The following PLXNA4 variants were observed in gnomAD, a reference collection of about 807,000 sequenced individuals.
The protein encoded by PLXNA4 is plexin A4.
A neutral mutation model predicts 191.8 loss-of-function variants in PLXNA4; 44 were observed. The ratio of observed to expected loss-of-function variants is 0.23; its 90% confidence interval spans 0.18 to 0.29. The LOEUF is 0.29. PLXNA4 is among the 10% of genes least tolerant of loss of function. The probability of loss-of-function intolerance (pLI) is 1.00; values close to 1 mark genes in which losing one functional copy is unlikely to be tolerated. For synonymous variants in PLXNA4, 1,082 were observed against 1,009.5 expected, an observed-to-expected ratio of 1.07 and a Z score of -1.36; for missense variants, 1,800 against 2,488.8, an observed-to-expected ratio of 0.72 and a Z score of 5.89.
chr7:132,400,664 A>T (rs903195128), intron 3 of PLXNA4, among the ~76,000 whole-genome samples: 1 of 152,150 alleles, frequency 6.6e-6, no homozygotes, highest in African/African-American at 2.4e-5. Flanking sequence ...TACCATCCGT[A>T]TGCATACCAC....
At chr7:132,204,249 G>A (rs1006945223) in intron 10 of PLXNA4, among the ~76,000 whole-genome samples, 12 of 152,216 alleles carry the variant, frequency 7.9e-5, no homozygotes, top group Non-Finnish European at 1.8e-4. Flanking sequence ...GAAGATGATG[G>A]TGGAGGGGGC....
intron 1 of PLXNA4, among the ~76,000 whole-genome samples, chr7:132,556,225 A>T (rs1800794952): frequency 6.6e-6 from 1 of 152,068 alleles, no homozygotes; most frequent in Non-Finnish European, 1.5e-5. Flanking sequence ...TTTTTACCAC[A>T]CCCTGGGGCC....
chr7:132,642,727 C>T (rs1330786191), intron 2 of PLXNA4, among the ~76,000 whole-genome samples: 1 of 152,122 alleles, frequency 6.6e-6, no homozygotes, highest in African/African-American at 2.4e-5. Flanking sequence ...CAAACAATCT[C>T]AACGTTTCAT....
chr7:132,172,758 T>TA (rs1554378604), intron 21 of PLXNA4, among the ~76,000 whole-genome samples: 1 of 148,948 alleles, frequency 6.7e-6, no homozygotes, highest in Non-Finnish European at 1.5e-5. Context: ...AAACTTAAAG[T>TA]ATAATAATAA....
intron 2 of PLXNA4, among the ~76,000 whole-genome samples, chr7:132,607,575 C>T (rs114310712): frequency 6.6e-5 from 10 of 152,154 alleles, no homozygotes; most frequent in Non-Finnish European, 1.5e-4. Context: ...TAATGGGGCC[C>T]CTTATGAGGG....
chr7:132,552,646 G>T (rs562969000), intron 1 of PLXNA4, among the ~76,000 whole-genome samples: 1 of 152,192 alleles, frequency 6.6e-6, no homozygotes, highest in Non-Finnish European at 1.5e-5. Flanking sequence ...CTGATTACCC[G>T]AGCCGCTGCT....
chr7:132,474,621 TAC>T (rs201235696), intron 3 of PLXNA4, among the ~76,000 whole-genome samples: 153 of 146,544 alleles, frequency 1.0e-3, no homozygotes, highest in Admixed American at 3.6e-3. Context: ...TGAGCACATG[TAC>T]ACACACACAC....
intron 3 of PLXNA4, among the ~76,000 whole-genome samples, chr7:132,447,728 T>C (rs1172929492): frequency 1.3e-5 from 2 of 152,130 alleles, no homozygotes; most frequent in African/African-American, 4.8e-5. Context: ...TGGCTCATGC[T>C]TGTAATGCCA....
At chr7:132,512,263 C>G (rs1798748823) in intron 1 of PLXNA4, among the ~76,000 whole-genome samples, 1 of 152,214 alleles carries the variant, frequency 6.6e-6, no homozygotes, top group South Asian at 2.1e-4. Flanking sequence ...GTGCCTACCC[C>G]ACGACCTGCC....
rs1007041258 is a variant in PLXNA4 at position 132,576,278 on chromosome 7, T to G, written c.-87+144A>C. Reference sequence around the variant, plus strand: ...AGCGCCGTGTGTGCCGGTGTGGATCTGTGTGTGTGCCTGCGTGTGTGCGTG... The same window carrying G: ...AGCGCCGTGTGTGCCGGTGTGGATCGGTGTGTGTGCCTGCGTGTGTGCGTG... On this transcript the variant is annotated intron_variant, in intron 1 of 31. Transcript: ENST00000321063. This position sits in a 1 kb window ranked among gnomAD's most constrained non-coding sequence, Gnocchi z 5.8. The G allele has an allele frequency of 1.8e-6, 1 of 555,442 alleles. No individual in the cohort carries two copies. 34.4% of individuals were successfully genotyped at this position (555,442 alleles called of 1,614,324 possible). A position where few individuals can be genotyped will look rare whatever the true frequency, so the allele number is the denominator to read the frequency against.
chr7:132,362,276 A>G (rs748946510), intron 3 of PLXNA4, among the ~76,000 whole-genome samples: 3 of 152,256 alleles, frequency 2.0e-5, no homozygotes, highest in Non-Finnish European at 4.4e-5. Flanking sequence ...TTGATGTGGT[A>G]GAGCTGCTAC....
chr7:132,291,927 TG>T (rs1383875545), intron 4 of PLXNA4, among the ~76,000 whole-genome samples: 4 of 152,190 alleles, frequency 2.6e-5, no homozygotes, highest in Non-Finnish European at 5.9e-5. Flanking sequence ...CCCGAGTGGT[TG>T]GGATTACAGG....
chr7:132,572,019 C>A (rs1802002989), intron 1 of PLXNA4, among the ~76,000 whole-genome samples: 1 of 152,240 alleles, frequency 6.6e-6, no homozygotes, highest in South Asian at 2.1e-4. Context: ...AATACATTTG[C>A]CTGGCATCAC....
chr7:132,579,425 T>TTGTG (rs896244746), upstream of PLXNA4, among the ~76,000 whole-genome samples: 1 of 151,012 alleles, frequency 6.6e-6, no homozygotes, highest in South Asian at 2.1e-4. Flanking sequence ...TCGGTTGTAT[T>TTGTG]TGTGTGTGTG....
chr7:132,553,533 A>C (rs994597634), intron 1 of PLXNA4, among the ~76,000 whole-genome samples: 7 of 152,142 alleles, frequency 4.6e-5, no homozygotes, highest in African/African-American at 1.7e-4. Flanking sequence ...GAGAATGGCC[A>C]CACATAGGAC....
intron 3 of PLXNA4, among the ~76,000 whole-genome samples, chr7:132,487,869 A>G (rs562200694): frequency 2.6e-5 from 4 of 152,372 alleles, no homozygotes; most frequent in Middle Eastern, 3.4e-3. Context: ...CAGCAAGGAA[A>G]GATTCCATTG....
intron 16 of PLXNA4, among the ~76,000 whole-genome samples, chr7:132,183,162 C>G (rs2116752700): frequency 6.6e-6 from 1 of 152,348 alleles, no homozygotes; most frequent in Non-Finnish European, 1.5e-5. Flanking sequence ...ATCTGCCTGT[C>G]TTTATATTGC....
At chr7:132,613,611 G>A (rs1415146899) in intron 2 of PLXNA4, among the ~76,000 whole-genome samples, 5 of 152,114 alleles carry the variant, frequency 3.3e-5, no homozygotes, top group African/African-American at 1.2e-4. Context: ...GTGAGTGGGC[G>A]ACGGGGTGAT....
In PLXNA4 at chr7:132,272,511, G is replaced by A. The variant is rs1584930258; in HGVS notation, c.1503+25580C>T. Among the ~76,000 whole-genome samples, 9 of 152,256 alleles carry A rather than the reference G, an allele frequency of 5.9e-5. 2 individuals are homozygous for A. Among genetic ancestry groups the A allele is most frequent in the Admixed American group, 5.9e-4 (9 of 15,294 alleles). ...CACTATTTTGTCACCAGAATGATCT[G>A]TTTGATCTGTTTGACAATCAAGTCT... On this transcript the variant is annotated intron_variant, in intron 4 of 31. Transcript: ENST00000321063.
Sources: allele counts gnomAD v4.1 joint callset (sites outside exome capture counted in the v4.1 genomes callset), GRCh38; gene constraint gnomAD v4.1.1; non-coding constraint Gnocchi (gnomAD v3.1); transcripts MANE v1.5; gene names NCBI Gene and HGNC (gene_info 2026-07-23, HGNC 2026-07-21).